YME1L1: variants seen among roughly 807,000 people sequenced by gnomAD.
The protein encoded by YME1L1 is YME1 like 1 ATPase.
YME1L1 carries 39 observed loss-of-function variants against 90.4 expected under a neutral mutation model. The ratio of observed to expected loss-of-function variants is 0.43; its 90% confidence interval spans 0.33 to 0.56. The LOEUF is 0.56. Ranked by LOEUF, YME1L1 falls within the 20% of genes least tolerant of loss-of-function variation. The pLI is 0.03. For missense variants in YME1L1, 617 were observed against 868.4 expected (o/e 0.71, Z 3.64); for synonymous variants, 284 against 287.3 (o/e 0.99, Z 0.12).
intron 17 of YME1L1, among the ~76,000 whole-genome samples, chr10:27,115,738 A>G (rs898388374): frequency 3.9e-5 from 6 of 152,212 alleles, no homozygotes; most frequent in African/African-American, 1.4e-4. Context: ...AGATGAAAAT[A>G]TGAAATAGAG....
Position 27,154,191 on chromosome 10 carries a change from G to T in YME1L1, c.20C>A (p.Thr7Lys). ...TGCCTGGCTTACCTGGGGTTGCACC[G>T]TGCTCGACAAGGAAAACATCTCCGG... is the stretch of plus-strand genomic sequence containing the variant. MFSLSSTVQPQVTVPLS... is the reference protein window; with the variant it reads MFSLSSKVQPQVTVPLS... The change falls in exon 1 of 19, where the codon ACG becomes AAG. Residue 7 changes from threonine (T) to lysine (K), a missense_variant. Around this residue, in one of 4 missense-constraint regions of YME1L1, gnomAD observed 311 missense variants for 335.8 expected, o/e 0.93. Transcript: ENST00000376016. 1 of 1,591,704 alleles carries T rather than the reference G, an allele frequency of 6.3e-7. No homozygotes were observed. The highest frequency in any genetic ancestry group is 1.7e-5 in the Admixed American group (1 of 57,208).
intron 3 of YME1L1, 139 bp from the exon 4 acceptor site, chr10:27,142,624 C>A: frequency 2.4e-6 from 1 of 424,146 alleles, no homozygotes; most frequent in Non-Finnish European, 4.2e-6. Flanking sequence ...GATATGACTG[C>A]TTTTATGAAA....
intron 2 of YME1L1, chr10:27,147,549 G>A (rs1285640845): frequency 1.2e-6 from 2 of 1,609,652 alleles, no homozygotes; most frequent in African/African-American, 2.7e-5. Flanking sequence ...TATCGGTTGT[G>A]TCCAAGCTCT....
chr10:27,122,632 C>G (rs2056878396), intron 11 of YME1L1, among the ~76,000 whole-genome samples: 1 of 152,002 alleles, frequency 6.6e-6, no homozygotes, highest in African/African-American at 2.4e-5. Flanking sequence ...TTCAAATATC[C>G]AGTTAGTAAT....
At chr10:27,131,578 T>G (rs1310907630) in intron 8 of YME1L1, among the ~76,000 whole-genome samples, 1 of 152,226 alleles carries the variant, frequency 6.6e-6, no homozygotes, top group East Asian at 1.9e-4. Flanking sequence ...GTCTCATAGC[T>G]AATAAGTATA....
intron 17 of YME1L1, 106 bp from the exon 18 acceptor site, chr10:27,114,713 C>A: frequency 1.3e-6 from 1 of 749,250 alleles, no homozygotes; most frequent in South Asian, 2.1e-5. Flanking sequence ...ATATGGGGGA[C>A]AAGAAAGAAG....
intron 18 of YME1L1, among the ~76,000 whole-genome samples, chr10:27,112,761 G>A (rs148668991): frequency 6.6e-6 from 1 of 151,664 alleles, no homozygotes; most frequent in Non-Finnish European, 1.5e-5. Context: ...AGTGAAGTCA[G>A]GCAATCACAA....
intron 4 of YME1L1, among the ~76,000 whole-genome samples, chr10:27,136,739 AT>A (rs2057032149): frequency 4.0e-5 from 4 of 99,160 alleles, no homozygotes; most frequent in African/African-American, 1.3e-4. Context: ...TTATTTATTT[AT>A]TTATTTGAGA....
chr10:27,135,024 T>G (rs1235125286), intron 5 of YME1L1, 43 bp from the exon 6 acceptor site: 1 of 1,558,404 alleles, frequency 6.4e-7, no homozygotes, highest in Non-Finnish European at 8.7e-7. Context: ...AACAACACAG[T>G]GATACTTCCC....
intron 1 of YME1L1, among the ~76,000 whole-genome samples, chr10:27,153,580 T>C (rs1411592505): frequency 6.6e-6 from 1 of 152,192 alleles, no homozygotes; most frequent in African/African-American, 2.4e-5. Context: ...TCACTACCTT[T>C]TGTTTTACAA....
chr10:27,146,851 A>G (rs1015108074), intron 2 of YME1L1: 1 of 154,798 alleles, frequency 6.5e-6, no homozygotes, highest in Non-Finnish European at 1.4e-5. Context: ...ATACTAACAT[A>G]ACTATAAAAT....
intron 2 of YME1L1, 142 bp from the exon 3 acceptor site, chr10:27,145,732 A>G: frequency 1.3e-6 from 1 of 742,572 alleles, no homozygotes. Flanking sequence ...AAATAAATTG[A>G]TGCAAATATT....
rs1023491150 is a variant in YME1L1 at position 27,140,342 on chromosome 10, T to C, written c.430+2045A>G. On this transcript the variant is annotated intron_variant, in intron 4 of 18. Coordinates refer to ENST00000376016, the MANE Select transcript of YME1L1 (RefSeq NM_014263.4). ...AAATTATATAACGCCCTCAATGTCA[T>C]TTTGTCCTCACCAAGAGTCTGATAT... Among the ~76,000 whole-genome samples the C allele has an allele frequency of 3.9e-5, 6 of 152,202 alleles. No individual in the cohort carries two copies. The East Asian group carries it at 9.7e-4, about 25-fold the overall frequency.
chr10:27,154,310 T>C lies in YME1L1; in HGVS notation c.-100A>G. Reference sequence around the variant, plus strand: ...CTGAGCCCTTCTTTTTTCCTTTTTCTCCGACCCGTTGCCCCTCACTCCTCC... The same window carrying C: ...CTGAGCCCTTCTTTTTTCCTTTTTCCCCGACCCGTTGCCCCTCACTCCTCC... On this transcript the variant is annotated 5_prime_UTR_variant, in exon 1 of 19. Coordinates refer to ENST00000376016, the MANE Select transcript of YME1L1 (RefSeq NM_014263.4). 1 of 1,423,158 alleles carries C rather than the reference T, an allele frequency of 7.0e-7. No individual in the cohort carries two copies. The highest frequency in any genetic ancestry group is 9.6e-7 in the Non-Finnish European group (1 of 1,046,862). The allele number at this position is 1,423,158 out of a possible 1,614,324, so 88.2% of individuals were successfully genotyped here.
At chr10:27,135,609 C>A (rs1028195564) in intron 5 of YME1L1, among the ~76,000 whole-genome samples, 4 of 152,108 alleles carry the variant, frequency 2.6e-5, no homozygotes, top group Non-Finnish European at 5.9e-5. Context: ...TGCTCAAGAA[C>A]TGTAAGCAAT....
chr10:27,112,094 G>C lies in YME1L1; in HGVS notation c.2034C>G (p.Ile678Met). 2 of 1,613,844 alleles carry C rather than the reference G, an allele frequency of 1.2e-6. No individual in the cohort carries two copies. Among genetic ancestry groups the C allele is most frequent in the Non-Finnish European group, 1.7e-6 (2 of 1,179,946 alleles). The change falls in exon 19 of 19, where the codon ATC (isoleucine) becomes ATG (methionine). Residue 678 changes from isoleucine to methionine, a missense_variant. This residue lies in a region of YME1L1 where 212 missense variants were observed against 330.0 expected (regional missense o/e 0.64). Coordinates refer to ENST00000376016, the MANE Select transcript of YME1L1 (RefSeq NM_014263.4). ...TATGCTCCTTTGCATGAGTTTTCAA[G>C]ATATGTTTTGCTCGTTCATATGAGT... ...LRDSYERAKH[I>M]LKTHAKEHKN...
At chr10:27,113,219 CAAAAAAAAAAAAA>C (rs869122796) in intron 18 of YME1L1, among the ~76,000 whole-genome samples, 10 of 43,082 alleles carry the variant, frequency 2.3e-4, no homozygotes, top group African/African-American at 6.7e-4. Flanking sequence ...GATGCTGTCT[CAAAAAAAAAAAAA>C]AAAAAAAAAA....
At chr10:27,152,216 G>T (rs1465875589) in intron 1 of YME1L1, among the ~76,000 whole-genome samples, 1 of 152,078 alleles carries the variant, frequency 6.6e-6, no homozygotes, top group Admixed American at 6.5e-5. Flanking sequence ...TCTTTGAAAA[G>T]ATTTATTTGA....
chr10:27,135,693 T>C (rs1176406628), intron 5 of YME1L1, among the ~76,000 whole-genome samples: 1 of 152,114 alleles, frequency 6.6e-6, no homozygotes, highest in Admixed American at 6.5e-5. Context: ...AAGAGAAACA[T>C]GGCAGGTAGA....
Sources: allele counts gnomAD v4.1 joint callset (sites outside exome capture counted in the v4.1 genomes callset), GRCh38; gene constraint gnomAD v4.1.1; regional missense constraint gnomAD v4.1.1; transcripts MANE v1.5; gene names NCBI Gene and HGNC (gene_info 2026-07-23, HGNC 2026-07-21).